The following TRIM14 variants were observed in gnomAD, a reference collection of about 807,000 sequenced individuals.
TRIM14 encodes tripartite motif containing 14, also known as tripartite motif-containing protein 14.
TRIM14 carries 28 observed loss-of-function variants against 44.5 expected under a neutral mutation model. That is an observed-to-expected ratio of 0.63 (90% CI 0.47 to 0.86). The LOEUF (loss-of-function observed/expected upper bound fraction) is 0.86. TRIM14 is among the 40% of genes least tolerant of loss of function. The probability of loss-of-function intolerance (pLI) is 0.00; values close to 1 mark genes in which losing one functional copy is unlikely to be tolerated. For missense variants in TRIM14, 607 were observed against 611.1 expected, an observed-to-expected ratio of 0.99 and a Z score of 0.07; for synonymous variants, 299 against 269.2, an observed-to-expected ratio of 1.11 and a Z score of -1.08.
intron 2 of TRIM14, among the ~76,000 whole-genome samples, chr9:98,109,286 C>CAG (rs140888539): frequency 2.7e-4 from 35 of 128,258 alleles, no homozygotes; most frequent in African/African-American, 1.7e-3. Context: ...GAGGGAGCAA[C>CAG]AGGATGAAAG....
chr9:98,059,823 T>C, the TRIM14 span, among the ~76,000 whole-genome samples: 4 of 152,202 alleles, frequency 2.6e-5, no homozygotes, highest in Non-Finnish European at 4.4e-5. Context: ...TTTGTTTTGT[T>C]TGTCTGCTTT....
At chr9:98,073,130 C>CA (rs1452918085) in intron 6 of TRIM14, among the ~76,000 whole-genome samples, 12 of 152,128 alleles carry the variant, frequency 7.9e-5, no homozygotes, top group Non-Finnish European at 1.2e-4. Flanking sequence ...GCCATCCCAG[C>CA]AAAGCCGCCC....
the TRIM14 span, among the ~76,000 whole-genome samples, chr9:98,059,807 G>A: frequency 6.6e-6 from 1 of 152,046 alleles, no homozygotes; most frequent in Non-Finnish European, 1.5e-5. Flanking sequence ...TAGGGGCTGG[G>A]GCATTTTTGT....
chr9:98,089,023 G>A (rs1432729191), intron 5 of TRIM14, among the ~76,000 whole-genome samples: 3 of 152,014 alleles, frequency 2.0e-5, no homozygotes, highest in Non-Finnish European at 2.9e-5. Flanking sequence ...GATTGTTTCC[G>A]TGTTGCCTAT....
chr9:98,089,089 AAAAGAGCATTTTTCTAAGAG>A (rs1343833201), intron 5 of TRIM14, among the ~76,000 whole-genome samples: 2 of 152,324 alleles, frequency 1.3e-5, no homozygotes, highest in East Asian at 3.8e-4. Flanking sequence ...TTTTCTAAGA[AAAAGAGCATTTTTCTAAGAG>A]AAAGAGAATG....
At chr9:98,040,162 T>C in the TRIM14 span, among the ~76,000 whole-genome samples, 2 of 152,148 alleles carry the variant, frequency 1.3e-5, no homozygotes, top group Non-Finnish European at 2.9e-5. Context: ...TTTCCTTTGG[T>C]TGCCTCCTGT....
chr9:98,039,571 G>T, the TRIM14 span, among the ~76,000 whole-genome samples: 1 of 152,064 alleles, frequency 6.6e-6, no homozygotes, highest in East Asian at 1.9e-4. Flanking sequence ...GCTGGAGGGG[G>T]ACAAGATTCT....
rs1295874233 is a variant in TRIM14, at chr9:98,087,522, T to A, written c.1277A>T (p.Tyr426Phe). ...TFRATFQEPL[Y>F]PALRLWEGAI... ...CCCCTCCCAGAGCCGCAGGGCCGGG[T>A]AGAGCGGCTCCTGGAACGTGGCGCG... Residue 426 changes from tyrosine to phenylalanine, a missense_variant, in exon 6 of 6, where the codon TAC (tyrosine) becomes TTC (phenylalanine). Physicochemically the swap from Tyr to Phe is conservative, Grantham distance 22. This residue lies in a region of TRIM14 where 356 missense variants were observed against 323.0 expected (regional missense o/e 1.10). Transcript: ENST00000341469. 6.3e-7 allele frequency: 1 copy of A among 1,598,404 alleles called. No individual in the cohort carries two copies. The highest frequency in any genetic ancestry group is 1.3e-5 in the African/African-American group (1 of 74,776).
chr9:98,118,577 T>C (rs1827134134), intron 1 of TRIM14, among the ~76,000 whole-genome samples: 1 of 152,166 alleles, frequency 6.6e-6, no homozygotes, highest in Non-Finnish European at 1.5e-5. Context: ...CTGAGATGTC[T>C]GTGTGGCTTT....
Position 98,087,783 on chromosome 9 carries a change from G to A in TRIM14, c.1016C>T (p.Ala339Val), listed in dbSNP as rs1587942014. 1.3e-6 allele frequency: 2 copies of A among 1,504,992 alleles called. No homozygotes were observed. The highest frequency in any genetic ancestry group is 1.8e-6 in the Non-Finnish European group (2 of 1,138,178). The allele number at this position is 1,504,992 out of a possible 1,614,324, so 93.2% of individuals were successfully genotyped here. A position where few individuals can be genotyped will look rare whatever the true frequency, so the allele number is the denominator to read the frequency against. ...QEAGAGWWVG[A>V]AYASLRRRGA... ...GCGGCGCCGAAGGGAGGCGTAGGCC[G>A]CGCCCACCCACCAGCCGGCGCCCGC... The change falls in exon 6 of 6, where the codon GCG becomes GTG. Residue 339 changes from alanine to valine, a missense_variant. By Grantham distance (64) the Ala-to-Val change is moderately conservative. This residue lies in a region of TRIM14 where 356 missense variants were observed against 323.0 expected (regional missense o/e 1.10). Transcript: ENST00000341469.
chr9:98,046,092 A>C, the TRIM14 span, among the ~76,000 whole-genome samples: 1 of 152,194 alleles, frequency 6.6e-6, no homozygotes, highest in African/African-American at 2.4e-5. Context: ...TTGGAAATTC[A>C]CAGGGATTTT....
chr9:98,089,246 G>A (rs557462507), intron 5 of TRIM14, among the ~76,000 whole-genome samples: 12 of 151,830 alleles, frequency 7.9e-5, no homozygotes, highest in African/African-American at 2.7e-4. Context: ...GTGTGATCTC[G>A]ACTCACTGCA....
chr9:98,061,762 G>C, the TRIM14 span, among the ~76,000 whole-genome samples: 2 of 149,764 alleles, frequency 1.3e-5, no homozygotes, highest in South Asian at 4.2e-4. Context: ...CCTGGTGATA[G>C]AGCAAGATTC....
At chr9:98,069,799 G>A (rs1267778540) in intron 6 of TRIM14, 1 of 152,246 alleles carries the variant, frequency 6.6e-6, no homozygotes, top group Non-Finnish European at 1.5e-5. Flanking sequence ...TTGTAGCAGT[G>A]GCATCATGGT....
chr9:98,041,769 G>A, the TRIM14 span, among the ~76,000 whole-genome samples: 265 of 150,810 alleles, frequency 1.8e-3, no homozygotes, highest in Non-Finnish European at 2.8e-3. Flanking sequence ...TGCAAGTTCC[G>A]CCTCCCAGGT....
At chr9:98,113,662 A>G (rs1389937687) in intron 1 of TRIM14, among the ~76,000 whole-genome samples, 2 of 152,130 alleles carry the variant, frequency 1.3e-5, no homozygotes, top group African/African-American at 4.8e-5. Flanking sequence ...GCCTAAAAGT[A>G]AAACTTGTTT....
chr9:98,074,346 G>C (rs1829485072), intron 6 of TRIM14, among the ~76,000 whole-genome samples: 1 of 152,142 alleles, frequency 6.6e-6, no homozygotes, highest in Admixed American at 6.6e-5. Context: ...AGGCTGCCGG[G>C]CTGCATGGAA....
the TRIM14 span, among the ~76,000 whole-genome samples, chr9:98,036,391 C>G: frequency 8.0e-5 from 12 of 150,020 alleles, no homozygotes; most frequent in Non-Finnish European, 1.3e-4. Flanking sequence ...CTCCCAACTA[C>G]TTGGGAAGCT....
intron 6 of TRIM14, among the ~76,000 whole-genome samples, chr9:98,079,030 T>TAAGAGA: frequency 6.6e-6 from 1 of 152,162 alleles, no homozygotes; most frequent in South Asian, 2.1e-4. Flanking sequence ...TATTTTCTAA[T>TAAGAGA]GCTGAGCATC....
Sources: allele counts gnomAD v4.1 joint callset (sites outside exome capture counted in the v4.1 genomes callset), GRCh38; gene constraint gnomAD v4.1.1; regional missense constraint gnomAD v4.1.1; transcripts MANE v1.5; gene names NCBI Gene and HGNC (gene_info 2026-07-23, HGNC 2026-07-21).